Variants in RPS6KC1 observed in about 807,000 individuals in gnomAD.
RPS6KC1 encodes ribosomal protein S6 kinase C1.
In RPS6KC1, 54 loss-of-function variants were observed where a neutral mutation model predicts 103.8. That is an observed-to-expected ratio of 0.52 (90% CI 0.42 to 0.65). The LOEUF is 0.65. RPS6KC1 is among the 30% of genes least tolerant of loss of function. The pLI, the probability that RPS6KC1 is intolerant of heterozygous loss-of-function variation, is 0.00. For synonymous variants in RPS6KC1, 439 were observed against 438.7 expected, an observed-to-expected ratio of 1.00 and a Z score of -0.01; for missense variants, 1,151 against 1,253.8, an observed-to-expected ratio of 0.92 and a Z score of 1.24.
chr1:213,755,128 G>C, the RPS6KC1 span, among the ~76,000 whole-genome samples: 1 of 152,278 alleles, frequency 6.6e-6, no homozygotes, highest in South Asian at 2.1e-4. Context: ...GGGAGAGAAA[G>C]GGGGAGTGAG....
the RPS6KC1 span, among the ~76,000 whole-genome samples, chr1:213,309,170 C>T: frequency 6.6e-6 from 1 of 152,152 alleles, no homozygotes; most frequent in East Asian, 1.9e-4. Context: ...TGGCACACGC[C>T]TGTAGTCCCA....
the RPS6KC1 span, among the ~76,000 whole-genome samples, chr1:213,503,207 T>G: frequency 2.6e-5 from 4 of 152,342 alleles, no homozygotes; most frequent in South Asian, 8.3e-4. Context: ...CTCTACCTCT[T>G]GGCCTTATAG....
chr1:213,406,459 C>A, the RPS6KC1 span, among the ~76,000 whole-genome samples: 2 of 151,936 alleles, frequency 1.3e-5, no homozygotes, highest in East Asian at 3.9e-4. Flanking sequence ...GCCACATGAA[C>A]TAATGGCATG....
chr1:213,562,272 T>C, the RPS6KC1 span, among the ~76,000 whole-genome samples: 1 of 151,940 alleles, frequency 6.6e-6, no homozygotes, highest in African/African-American at 2.4e-5. Context: ...TGAAATTTGC[T>C]TTGCAGCCCA....
the RPS6KC1 span, among the ~76,000 whole-genome samples, chr1:213,562,864 A>G: frequency 6.6e-6 from 1 of 150,798 alleles, no homozygotes; most frequent in Non-Finnish European, 1.5e-5. Context: ...GGGCCTCAAT[A>G]TGTTGCCCAG....
chr1:213,618,480 A>G, the RPS6KC1 span, among the ~76,000 whole-genome samples: 1 of 152,192 alleles, frequency 6.6e-6, no homozygotes, highest in Non-Finnish European at 1.5e-5. Context: ...ATATTCCTAT[A>G]AGTTGGGGAT....
At chr1:213,520,397 C>G in the RPS6KC1 span, among the ~76,000 whole-genome samples, 19 of 152,086 alleles carry the variant, frequency 1.2e-4, 1 homozygote, top group African/African-American at 4.6e-4. Context: ...TGAGGAAAAC[C>G]ACCCCATGAT....
the RPS6KC1 span, among the ~76,000 whole-genome samples, chr1:213,445,775 G>A: frequency 6.6e-6 from 1 of 152,218 alleles, no homozygotes; most frequent in African/African-American, 2.4e-5. Flanking sequence ...CACAACAGAA[G>A]GCAGAATTTT....
the RPS6KC1 span, among the ~76,000 whole-genome samples, chr1:213,405,453 T>A: frequency 6.6e-6 from 1 of 152,144 alleles, no homozygotes; most frequent in Non-Finnish European, 1.5e-5. Context: ...GAAAAAAAAA[T>A]TCACCAGCAT....
intron 3 of RPS6KC1, among the ~76,000 whole-genome samples, chr1:213,083,645 G>T (rs1484266048): frequency 6.6e-6 from 1 of 152,134 alleles, no homozygotes; most frequent in Non-Finnish European, 1.5e-5. Flanking sequence ...AGACTTTTGG[G>T]GACCTTGGGA....
the RPS6KC1 span, among the ~76,000 whole-genome samples, chr1:213,618,208 AAATG>A: frequency 6.6e-6 from 1 of 152,250 alleles, no homozygotes; most frequent in African/African-American, 2.4e-5. Context: ...ATAGGAAAAA[AAATG>A]AACTCTACAA....
At chr1:213,375,516 C>T in the RPS6KC1 span, among the ~76,000 whole-genome samples, 1 of 152,090 alleles carries the variant, frequency 6.6e-6, no homozygotes, top group Admixed American at 6.5e-5. Flanking sequence ...CACAGAAAAG[C>T]AAAAAGAAAT....
chr1:213,837,250 C>G, the RPS6KC1 span: 1 of 152,026 alleles, frequency 6.6e-6, no homozygotes, highest in Non-Finnish European at 1.5e-5. Flanking sequence ...CAGTAACCCT[C>G]TAAGGCAAGA....
At chr1:213,420,874 C>T in the RPS6KC1 span, among the ~76,000 whole-genome samples, 132 of 152,298 alleles carry the variant, frequency 8.7e-4, no homozygotes, top group African/African-American at 3.0e-3. Context: ...ATGCACGCCT[C>T]TCTCCTGGCT....
intron 3 of RPS6KC1, among the ~76,000 whole-genome samples, chr1:213,103,586 C>T (rs998309987): frequency 1.3e-4 from 20 of 152,162 alleles, no homozygotes; most frequent in African/African-American, 3.4e-4. Context: ...TTCAGTTTCA[C>T]TTGCCAGTCA....
the RPS6KC1 span, among the ~76,000 whole-genome samples, chr1:213,470,058 A>C: frequency 3.3e-5 from 5 of 152,194 alleles, no homozygotes; most frequent in African/African-American, 1.2e-4. Flanking sequence ...AGCAAAGCCC[A>C]AAAATCCCAA....
chr1:213,653,086 G>A, the RPS6KC1 span, among the ~76,000 whole-genome samples: 1 of 152,130 alleles, frequency 6.6e-6, no homozygotes, highest in Non-Finnish European at 1.5e-5. Flanking sequence ...GGAAGATGCT[G>A]GCTAACTTTA....
At chr1:213,380,610 G>T in the RPS6KC1 span, among the ~76,000 whole-genome samples, 1 of 152,034 alleles carries the variant, frequency 6.6e-6, no homozygotes, top group Non-Finnish European at 1.5e-5. Context: ...ATTAATTTGT[G>T]ATAATAATTA....
At chr1:213,704,039 C>T in the RPS6KC1 span, among the ~76,000 whole-genome samples, 3 of 152,000 alleles carry the variant, frequency 2.0e-5, no homozygotes, top group South Asian at 6.2e-4. Context: ...TGTATATTTT[C>T]AAATAGCCTG....
Sources: allele counts gnomAD v4.1 joint callset (sites outside exome capture counted in the v4.1 genomes callset), GRCh38; gene constraint gnomAD v4.1.1; transcripts MANE v1.5; gene names NCBI Gene and HGNC (gene_info 2026-07-23, HGNC 2026-07-21).